Variants in NRXN1 observed in about 807,000 individuals in gnomAD.
NRXN1 encodes neurexin-1.
A neutral mutation model predicts 150.9 loss-of-function variants in NRXN1; 39 were observed. The ratio of observed to expected loss-of-function variants is 0.26; its 90% CI spans 0.20 to 0.34. The LOEUF (loss-of-function observed/expected upper bound fraction) is 0.34, where lower values mean the gene tolerates loss of function less well. Among genes scored for constraint, NRXN1 ranks in the 10% least tolerant of loss-of-function variants. The pLI, the probability that NRXN1 is intolerant of heterozygous loss-of-function variation, is 1.00. For missense variants in NRXN1, 1,815 were observed against 1,949.9 expected, an observed-to-expected ratio of 0.93 and a Z score of 1.30; for synonymous variants, 924 against 757.0, an observed-to-expected ratio of 1.22 and a Z score of -3.62.
chr2:50,954,217 TC>T (rs1320280213), intron 2 of NRXN1, among the ~76,000 whole-genome samples: 1 of 152,204 alleles, frequency 6.6e-6, no homozygotes, highest in Non-Finnish European at 1.5e-5. Context: ...CAGGATGTTT[TC>T]TTTCTTCAAA....
intron 17 of NRXN1, among the ~76,000 whole-genome samples, chr2:50,352,395 T>C (rs1445717472): frequency 6.6e-6 from 1 of 152,082 alleles, no homozygotes; most frequent in Non-Finnish European, 1.5e-5. Context: ...TTAAGCTTAA[T>C]TGGAAACCCT....
chr2:50,402,827 A>G (rs892108038), intron 17 of NRXN1, among the ~76,000 whole-genome samples: 1 of 151,822 alleles, frequency 6.6e-6, no homozygotes, highest in African/African-American at 2.4e-5. Context: ...TTAAGCCTCA[A>G]CTCCTCCCTG....
At chr2:50,005,334 G>C (rs570906404) in intron 21 of NRXN1, among the ~76,000 whole-genome samples, 2 of 152,244 alleles carry the variant, frequency 1.3e-5, no homozygotes, top group East Asian at 3.9e-4. Flanking sequence ...AAGCGATATA[G>C]ACTTTTCTGC....
intron 5 of NRXN1, among the ~76,000 whole-genome samples, chr2:50,920,753 AAT>A (rs1266417498): frequency 2.0e-5 from 3 of 151,832 alleles, no homozygotes; most frequent in African/African-American, 7.2e-5. Context: ...CTAGAGGCTT[AAT>A]ATGAGATTAA....
intron 5 of NRXN1, among the ~76,000 whole-genome samples, chr2:50,670,886 GCTTGGTGATCTTTGATCA>G (rs1230978700): frequency 6.6e-6 from 1 of 151,800 alleles, no homozygotes; most frequent in Admixed American, 6.6e-5. Flanking sequence ...AAATGATATT[GCTTGGTGATCTTTGATCA>G]CTTGGTTTAG....
intron 2 of NRXN1, among the ~76,000 whole-genome samples, chr2:50,926,923 T>G (rs955905126): frequency 2.0e-5 from 3 of 151,862 alleles, no homozygotes; most frequent in African/African-American, 7.2e-5. Flanking sequence ...TATTAGTACC[T>G]AGTGGAAAAT....
chr2:50,662,817 G>C (rs997689388), intron 5 of NRXN1, among the ~76,000 whole-genome samples: 1 of 151,948 alleles, frequency 6.6e-6, no homozygotes, highest in Non-Finnish European at 1.5e-5. Context: ...AGCTTATAAG[G>C]AATAAGATGA....
intron 8 of NRXN1, among the ~76,000 whole-genome samples, chr2:50,614,533 T>A (rs1427504874): frequency 1.3e-5 from 2 of 151,552 alleles, no homozygotes; most frequent in Non-Finnish European, 2.9e-5. Context: ...ATATACCTAA[T>A]GTAAATGACG....
At chr2:50,498,138 T>C (rs1420069078) in intron 13 of NRXN1, among the ~76,000 whole-genome samples, 3 of 152,114 alleles carry the variant, frequency 2.0e-5, no homozygotes, top group African/African-American at 7.2e-5. Flanking sequence ...GCCTCATGGA[T>C]AGGTGATGTT....
At chr2:50,028,899 T>C (rs1205255468) in intron 21 of NRXN1, among the ~76,000 whole-genome samples, 1 of 152,158 alleles carries the variant, frequency 6.6e-6, no homozygotes, top group Admixed American at 6.6e-5. Context: ...TAAAACTATA[T>C]AACCAAGGAA....
chr2:49,962,810 G>A (rs1386119849), intron 21 of NRXN1, among the ~76,000 whole-genome samples: 4 of 151,924 alleles, frequency 2.6e-5, no homozygotes, highest in East Asian at 3.9e-4. Context: ...AAAATTAGCC[G>A]GGGGTGGTGG....
chr2:50,564,583 T>C (rs1253917149), intron 8 of NRXN1, among the ~76,000 whole-genome samples: 1 of 152,198 alleles, frequency 6.6e-6, no homozygotes, highest in Non-Finnish European at 1.5e-5. Flanking sequence ...TGTATAATGA[T>C]ATTAAATTGA....
intron 2 of NRXN1, among the ~76,000 whole-genome samples, chr2:50,933,147 C>A (rs1688020692): frequency 6.6e-6 from 1 of 152,052 alleles, no homozygotes; most frequent in African/African-American, 2.4e-5. Flanking sequence ...GGCATTCTAA[C>A]CACTAGAAAT....
Position 50,091,382 on chromosome 2 carries a change from C to T in NRXN1, c.3659G>A (p.Ser1220Asn), listed in dbSNP as rs1699536275. The T allele has an allele frequency of 3.1e-6, 5 of 1,614,228 alleles. No individual in the cohort carries two copies. The highest frequency in any genetic ancestry group is 3.4e-6 in the Non-Finnish European group (4 of 1,180,046). ...CACCTGCAACGTGGCATTGCCACCACTCCTCGTGAAACGAACTACATGGTA... is the reference window on the plus strand; with the variant it reads ...CACCTGCAACGTGGCATTGCCACCATTCCTCGTGAAACGAACTACATGGTA... ...GKYHVVRFTR[S>N]GGNATLQVDS... Residue 1220 changes from serine to asparagine, a missense_variant, in exon 19 of 23, where the codon AGT becomes AAT. By Grantham distance (46) the Ser-to-Asn change is conservative. This residue lies in a region of NRXN1 where 339 missense variants were observed against 440.3 expected (regional missense o/e 0.77). Transcript: ENST00000401669.
chr2:50,850,543 C>A (rs534187331), intron 5 of NRXN1, among the ~76,000 whole-genome samples: 3 of 152,208 alleles, frequency 2.0e-5, no homozygotes, highest in South Asian at 2.1e-4. Context: ...GCAGCCAGCA[C>A]CACGCTATCA....
rs759491024 is a variant in NRXN1 at position 50,943,370 on chromosome 2, C to A, written c.773-17415G>T. On this transcript the variant is annotated intron_variant, in intron 2 of 22. Transcript: ENST00000401669. ...AAACTGCAATTACTTTTGCACCAAC[C>A]TAATATAATCATATTTTCATTTTAT... Among the ~76,000 whole-genome samples the A allele has an allele frequency of 2.0e-4, 31 of 152,272 alleles. 1 individual carries two copies. Among genetic ancestry groups the A allele is most frequent in the East Asian group, 5.8e-4 (3 of 5,184 alleles).
At chr2:50,019,499 C>T (rs10188520) in intron 21 of NRXN1, among the ~76,000 whole-genome samples, 76,729 of 149,818 alleles carry the variant, frequency 0.51, 20,534 homozygotes, top group East Asian at 0.62. Flanking sequence ...AAAAATTAGC[C>T]AGGCATAGTG....
intron 17 of NRXN1, among the ~76,000 whole-genome samples, chr2:50,391,365 T>G (rs2081681100): frequency 6.6e-6 from 1 of 152,112 alleles, no homozygotes; most frequent in African/African-American, 2.4e-5. Flanking sequence ...GAGCAAAATT[T>G]TATTAGAATA....
At chr2:50,442,580 GTGAGATATACAACTGA>G (rs979912987) in intron 17 of NRXN1, among the ~76,000 whole-genome samples, 1 of 152,126 alleles carries the variant, frequency 6.6e-6, no homozygotes, top group African/African-American at 2.4e-5. Flanking sequence ...TGAGATACCT[GTGAGATATACAACTGA>G]AAATGTTAAG....
Sources: allele counts gnomAD v4.1 joint callset (sites outside exome capture counted in the v4.1 genomes callset), GRCh38; gene constraint gnomAD v4.1.1; regional missense constraint gnomAD v4.1.1; transcripts MANE v1.5; gene names NCBI Gene and HGNC (gene_info 2026-07-23, HGNC 2026-07-21).